Variants in REDIC1 observed in about 807,000 individuals in gnomAD.
REDIC1 encodes regulator of DNA class I crossover intermediates 1.
At chr12:39,907,638 C>A in the REDIC1 span, 2 of 152,150 alleles carry the variant, frequency 1.3e-5, no homozygotes, top group Admixed American at 1.3e-4. Flanking sequence ...CCATAGATTA[C>A]AATTCACCTA....
the REDIC1 span, among the ~76,000 whole-genome samples, chr12:39,810,871 T>A: frequency 1.3e-5 from 2 of 152,128 alleles, no homozygotes; most frequent in South Asian, 2.1e-4. Flanking sequence ...GATACTGCGA[T>A]GTTCATCTAT....
chr12:39,797,350 A>C, the REDIC1 span, among the ~76,000 whole-genome samples: 36 of 152,314 alleles, frequency 2.4e-4, no homozygotes, highest in African/African-American at 8.7e-4. Flanking sequence ...TCTGACTTGC[A>C]TTTCCTGAGC....
the REDIC1 span, among the ~76,000 whole-genome samples, chr12:39,687,278 C>T: frequency 5.3e-5 from 8 of 152,252 alleles, no homozygotes; most frequent in South Asian, 1.7e-3. Flanking sequence ...TTAGTCTGTT[C>T]TCACATTGCT....
chr12:39,626,348 C>CG, the REDIC1 span: 1 of 1,614,046 alleles, frequency 6.2e-7, no homozygotes, highest in East Asian at 2.2e-5. Flanking sequence ...TGAATTGGGT[C>CG]GGGGGGTCCC....
chr12:39,741,497 AG>A, the REDIC1 span, among the ~76,000 whole-genome samples: 1 of 152,228 alleles, frequency 6.6e-6, no homozygotes, highest in Non-Finnish European at 1.5e-5. Flanking sequence ...TCAGATATGA[AG>A]AAGGGTAGAG....
chr12:39,898,738 A>T, the REDIC1 span, among the ~76,000 whole-genome samples: 1 of 152,132 alleles, frequency 6.6e-6, no homozygotes, highest in Admixed American at 6.6e-5. Context: ...TGTTCATGGA[A>T]TGGAACCAGA....
the REDIC1 span, among the ~76,000 whole-genome samples, chr12:39,749,515 T>C: frequency 4.6e-3 from 706 of 152,340 alleles, 6 homozygotes; most frequent in African/African-American, 0.016. Flanking sequence ...GTACCATTCC[T>C]TCTGAAACTA....
the REDIC1 span, among the ~76,000 whole-genome samples, chr12:39,673,186 A>G: frequency 6.6e-6 from 1 of 152,068 alleles, no homozygotes; most frequent in East Asian, 1.9e-4. Flanking sequence ...TCTATGTTGA[A>G]TTCCAGTGTG....
At chr12:39,738,952 G>A in the REDIC1 span, among the ~76,000 whole-genome samples, 2 of 151,948 alleles carry the variant, frequency 1.3e-5, no homozygotes, top group Non-Finnish European at 2.9e-5. Flanking sequence ...CATATACTAA[G>A]TTTGAGAAAT....
the REDIC1 span, among the ~76,000 whole-genome samples, chr12:39,824,941 T>C: frequency 6.6e-6 from 1 of 152,152 alleles, no homozygotes; most frequent in African/African-American, 2.4e-5. Flanking sequence ...GAAATTATAA[T>C]AGATATTAGG....
the REDIC1 span, among the ~76,000 whole-genome samples, chr12:39,732,265 C>T: frequency 4.6e-5 from 7 of 152,130 alleles, no homozygotes; most frequent in African/African-American, 1.7e-4. Flanking sequence ...TTTTCATAGT[C>T]ATGGTTTTGC....
At chr12:39,763,670 GC>G in the REDIC1 span, among the ~76,000 whole-genome samples, 1 of 152,200 alleles carries the variant, frequency 6.6e-6, no homozygotes, top group Non-Finnish European at 1.5e-5. Context: ...GGTCTAAGCA[GC>G]AGGCATTCCG....
chr12:39,860,731 T>C, the REDIC1 span, among the ~76,000 whole-genome samples: 2 of 152,200 alleles, frequency 1.3e-5, no homozygotes, highest in East Asian at 1.9e-4. Context: ...AAATTTCCTA[T>C]TGATTTTTCT....
At chr12:39,637,229 G>A in the REDIC1 span, among the ~76,000 whole-genome samples, 1 of 151,858 alleles carries the variant, frequency 6.6e-6, no homozygotes, top group East Asian at 1.9e-4. Flanking sequence ...TCTATGAAGA[G>A]GTTATGACCT....
the REDIC1 span, among the ~76,000 whole-genome samples, chr12:39,885,556 A>C: frequency 6.6e-6 from 1 of 152,140 alleles, no homozygotes; most frequent in Non-Finnish European, 1.5e-5. Context: ...CAATTATTAC[A>C]AAAAACTTTC....
chr12:39,821,691 T>A, the REDIC1 span, among the ~76,000 whole-genome samples: 2 of 152,120 alleles, frequency 1.3e-5, no homozygotes, highest in Non-Finnish European at 2.9e-5. Context: ...ACGTGGCAAA[T>A]CCTTGTTTAA....
At chr12:39,630,343 G>T in the REDIC1 span, among the ~76,000 whole-genome samples, 21 of 152,162 alleles carry the variant, frequency 1.4e-4, no homozygotes, top group Non-Finnish European at 2.4e-4. Flanking sequence ...AATTAGGGAG[G>T]TTTATTTTTA....
At chr12:39,646,860 G>A in the REDIC1 span, 15 of 1,596,698 alleles carry the variant, frequency 9.4e-6, no homozygotes, top group South Asian at 1.1e-5. Flanking sequence ...CAAAGACTAA[G>A]TAGCAAGGAA....
the REDIC1 span, among the ~76,000 whole-genome samples, chr12:39,672,571 A>G: frequency 2.0e-5 from 3 of 152,132 alleles, no homozygotes; most frequent in Admixed American, 6.5e-5. Flanking sequence ...GGGGGCAGCT[A>G]TAAGTGATAG....
Sources: allele counts gnomAD v4.1 joint callset (sites outside exome capture counted in the v4.1 genomes callset), GRCh38; gene constraint gnomAD v4.1.1; transcripts MANE v1.5; gene names NCBI Gene and HGNC (gene_info 2026-07-23, HGNC 2026-07-21).